Variants in SGK1 observed in about 807,000 individuals in gnomAD.
SGK1 encodes serum/glucocorticoid regulated kinase 1.
In SGK1, 26 loss-of-function variants were observed where a neutral mutation model predicts 64.2. The ratio of observed to expected loss-of-function variants is 0.40; its 90% CI spans 0.30 to 0.56. SGK1 has a LOEUF of 0.56. SGK1 is among the 20% of genes least tolerant of loss of function. The probability of loss-of-function intolerance (pLI) is 0.38; values close to 1 mark genes in which losing one functional copy is unlikely to be tolerated. For synonymous variants in SGK1, 265 were observed against 239.7 expected, an observed-to-expected ratio of 1.11 and a Z score of -0.98; for missense variants, 519 against 645.6, an observed-to-expected ratio of 0.80 and a Z score of 2.12.
At chr6:134,218,437 C>CT (rs71003680) in intron 2 of SGK1, among the ~76,000 whole-genome samples, 93,286 of 129,206 alleles carry the variant, frequency 0.72, 35,112 homozygotes, top group East Asian at 0.93. Context: ...TTCTTTTTTT[C>CT]TTTTTTTTTT....
intron 1 of SGK1, among the ~76,000 whole-genome samples, chr6:134,277,890 C>T (rs1446875114): frequency 6.6e-6 from 1 of 152,110 alleles, no homozygotes; most frequent in African/African-American, 2.4e-5. Context: ...TCACAATTTA[C>T]TGAACAAAGA....
intron 2 of SGK1, among the ~76,000 whole-genome samples, chr6:134,209,360 G>T (rs1355625235): frequency 6.6e-6 from 1 of 152,066 alleles, no homozygotes; most frequent in Non-Finnish European, 1.5e-5. Context: ...CTTGAACCCG[G>T]GAGGCAGAGG....
intron 3 of SGK1, 180 bp from the exon 4 acceptor site, chr6:134,174,766 G>A: frequency 6.2e-7 from 1 of 1,614,232 alleles, no homozygotes; most frequent in Non-Finnish European, 8.5e-7. Flanking sequence ...TCATCCTGGA[G>A]TAAGTGAGGG....
chr6:134,208,236 C>G (rs1381101958), intron 2 of SGK1, among the ~76,000 whole-genome samples: 1 of 152,086 alleles, frequency 6.6e-6, no homozygotes, highest in Admixed American at 6.6e-5. Context: ...ATAATCATAA[C>G]AGGATCTTTA....
intron 3 of SGK1, among the ~76,000 whole-genome samples, chr6:134,203,806 G>C (rs1019748452): frequency 6.6e-6 from 1 of 152,172 alleles, no homozygotes; most frequent in African/African-American, 2.4e-5. Flanking sequence ...GCTCATGCCT[G>C]TAATCCCAGC....
chr6:134,193,775 A>AGAGGAGAGGGGAGGGAAGAAGG (rs1775551714), intron 3 of SGK1, among the ~76,000 whole-genome samples: 1 of 19,048 alleles, frequency 5.2e-5, no homozygotes, highest in Non-Finnish European at 1.0e-4. Context: ...AAAAGAAAGG[A>AGAGGAGAGGGGAGGGAAGAAGG]GAGGAGAGGG....
intron 1 of SGK1, among the ~76,000 whole-genome samples, chr6:134,282,762 A>G (rs1777114447): frequency 6.6e-6 from 1 of 151,800 alleles, no homozygotes; most frequent in South Asian, 2.1e-4. Context: ...GGAATAATAA[A>G]TTATGCCTCA....
intron 1 of SGK1, among the ~76,000 whole-genome samples, chr6:134,290,430 A>G (rs1474853125): frequency 6.7e-6 from 1 of 149,066 alleles, no homozygotes; most frequent in Non-Finnish European, 1.5e-5. Context: ...TTTTCTGTCA[A>G]AAAAAAAAAA....
chr6:134,196,952 G>A (rs1775602877), intron 3 of SGK1, among the ~76,000 whole-genome samples: 1 of 152,118 alleles, frequency 6.6e-6, no homozygotes, highest in Non-Finnish European at 1.5e-5. Context: ...AATGTATAAG[G>A]CTGGGTGCAG....
At chr6:134,279,119 G>T (rs571186087) in intron 1 of SGK1, among the ~76,000 whole-genome samples, 2 of 152,264 alleles carry the variant, frequency 1.3e-5, no homozygotes, top group Admixed American at 6.5e-5. Flanking sequence ...GAAGCAGGAA[G>T]ATCACTTAAA....
chr6:134,288,712 CT>C (rs11405163), intron 1 of SGK1, among the ~76,000 whole-genome samples: 4 of 151,892 alleles, frequency 2.6e-5, no homozygotes, highest in African/African-American at 7.2e-5. Flanking sequence ...GTTCTAAATA[CT>C]TTTTTTTCCA....
chr6:134,198,037 G>A (rs2114673277), intron 3 of SGK1, among the ~76,000 whole-genome samples: 1 of 152,186 alleles, frequency 6.6e-6, no homozygotes, highest in Non-Finnish European at 1.5e-5. Context: ...CAGAATTTTT[G>A]TTTAATGAGG....
chr6:134,185,705 TATGAAAGCTGAGAAATCCC>T (rs1775412166), intron 3 of SGK1, among the ~76,000 whole-genome samples: 1 of 151,738 alleles, frequency 6.6e-6, no homozygotes, highest in Non-Finnish European at 1.5e-5. Context: ...CTCATACAAT[TATGAAAGCTGAGAAATCCC>T]ATGGCAGGCT....
intron 1 of SGK1, among the ~76,000 whole-genome samples, chr6:134,284,391 G>A (rs552935998): frequency 1.1e-4 from 16 of 152,064 alleles, no homozygotes; most frequent in South Asian, 4.2e-4. Context: ...CACTGCAGCC[G>A]GCCCATCACA....
intron 3 of SGK1, among the ~76,000 whole-genome samples, chr6:134,194,002 C>A (rs1209380587): frequency 1.3e-5 from 2 of 151,814 alleles, no homozygotes; most frequent in Admixed American, 6.6e-5. Context: ...CACTCACACT[C>A]ACACCCACAC....
At chr6:134,315,256 C>G (rs1777661754) in intron 1 of SGK1, among the ~76,000 whole-genome samples, 1 of 152,146 alleles carries the variant, frequency 6.6e-6, no homozygotes, top group Admixed American at 6.5e-5. Flanking sequence ...TGACTTGATA[C>G]AAGGTCACCT....
At chr6:134,229,067 G>A (rs1562258605) in intron 2 of SGK1, among the ~76,000 whole-genome samples, 1 of 152,168 alleles carries the variant, frequency 6.6e-6, no homozygotes, top group East Asian at 1.9e-4. Flanking sequence ...TCCTGACCTC[G>A]TGATCCGCCC....
chr6:134,247,651 C>T (rs17063566), intron 2 of SGK1, among the ~76,000 whole-genome samples: 12,673 of 152,086 alleles, frequency 0.083, 1,781 homozygotes, highest in African/African-American at 0.29. Flanking sequence ...GTAACTCGAC[C>T]GATTGGGAAA....
intron 2 of SGK1, among the ~76,000 whole-genome samples, chr6:134,251,113 G>A (rs558986310): frequency 1.5e-3 from 234 of 152,026 alleles, no homozygotes; most frequent in African/African-American, 5.2e-3. Context: ...TTTGTTCTTT[G>A]TAGAGTAGTT....
Sources: gnomAD v4.1 joint callset for allele counts (sites outside exome capture counted in the v4.1 genomes callset) on GRCh38, gnomAD v4.1.1 for gene constraint, MANE v1.5 for transcripts, NCBI Gene and HGNC (gene_info 2026-07-23, HGNC 2026-07-21) for gene names.